The following UBE2F variants were observed in gnomAD, a reference collection of about 807,000 sequenced individuals.
UBE2F encodes the protein NEDD8-conjugating enzyme UBE2F.
A neutral mutation model predicts 29.6 loss-of-function variants in UBE2F; 5 were observed. The observed-to-expected ratio is 0.17, with a 90% CI of 0.09 to 0.36. UBE2F has a LOEUF of 0.36. Ranked by LOEUF, UBE2F falls within the 10% of genes least tolerant of loss-of-function variation. The pLI is 1.00. For missense variants in UBE2F, 141 were observed against 228.5 expected, an observed-to-expected ratio of 0.62 and a Z score of 2.47; for synonymous variants, 66 against 81.8, an observed-to-expected ratio of 0.81 and a Z score of 1.04.
intron 2 of UBE2F, among the ~76,000 whole-genome samples, chr2:237,975,361 C>T (rs146643343): frequency 2.6e-5 from 4 of 152,024 alleles, no homozygotes; most frequent in African/African-American, 4.8e-5. Flanking sequence ...CCACGCACCT[C>T]GGCCTTCCCA....
chr2:238,033,084 G>A (rs1184288784), intron 8 of UBE2F, among the ~76,000 whole-genome samples: 3 of 152,214 alleles, frequency 2.0e-5, no homozygotes, highest in Admixed American at 1.3e-4. Context: ...CCAGCCCAGG[G>A]AGTGGCCCTG....
chr2:238,021,330 C>CT (rs2064288056), intron 5 of UBE2F, among the ~76,000 whole-genome samples: 1 of 152,212 alleles, frequency 6.6e-6, no homozygotes, highest in Admixed American at 6.5e-5. Context: ...AACTCCCACT[C>CT]TCCCTTCTTC....
chr2:237,972,327 C>T (rs1042851109), intron 1 of UBE2F, among the ~76,000 whole-genome samples: 17 of 152,058 alleles, frequency 1.1e-4, no homozygotes, highest in Non-Finnish European at 1.2e-4. Flanking sequence ...AACCTGGGAC[C>T]GTACCATGTG....
chr2:238,041,174 G>A, intron 9 of UBE2F, 114 bp from the exon 10 acceptor site: 2 of 1,003,034 alleles, frequency 2.0e-6, no homozygotes, highest in South Asian at 2.8e-5. Flanking sequence ...TACCACCTTG[G>A]CGACCACAGG....
chr2:237,968,764 CTG>C (rs1464904338), intron 1 of UBE2F: 9 of 801,050 alleles, frequency 1.1e-5, no homozygotes, highest in Middle Eastern at 6.4e-4. Context: ...AATTTAGAAA[CTG>C]AGAATGCTGT....
intron 4 of UBE2F, among the ~76,000 whole-genome samples, chr2:238,007,963 AT>A (rs1027500418): frequency 1.3e-5 from 2 of 151,072 alleles, no homozygotes; most frequent in African/African-American, 2.4e-5. Flanking sequence ...TAGTTAATTG[AT>A]TTTTTTTTAG....
At position 238,012,952 on chromosome 2, in the gene UBE2F, T is replaced by C. The variant is rs534415377; in HGVS notation, c.215-3614T>C. 5.3e-5 allele frequency among the ~76,000 whole-genome samples: 8 copies of C among 152,344 alleles called. No individual in the cohort carries two copies. The East Asian group carries it at 1.5e-3, about 29-fold the overall frequency. ...CACTCCAGCGTGAACCAGGACATAC[T>C]ATTTATAATACCATGCTTTGTCCTT... is the stretch of plus-strand genomic sequence containing the variant. On this transcript the variant is annotated intron_variant, in intron 4 of 9. Transcript: ENST00000272930.
In UBE2F at chr2:237,973,175, C is replaced by T. The variant is rs149063837; in HGVS notation, c.68C>T (p.Ala23Val). 5.9e-5 allele frequency: 95 copies of T among 1,613,998 alleles called. No individual in the cohort carries two copies. The highest frequency in any genetic ancestry group is 2.3e-4 in the African/African-American group (17 of 75,018). The change falls in exon 2 of 10, where the codon GCG becomes GTG. Residue 23 changes from alanine to valine, a missense_variant. Transcript: ENST00000272930. ...AAAGGGTCCCGGACGGCAGCCACAG[C>T]GTCCGACTCGACTCGGAGGGTTTCT... ...GLKGSRTAATASDSTRRVSVR... is the reference protein window; with the variant it reads ...GLKGSRTAATVSDSTRRVSVR...
chr2:237,976,572 A>G (rs1156788774), intron 2 of UBE2F, among the ~76,000 whole-genome samples: 1 of 152,050 alleles, frequency 6.6e-6, no homozygotes, highest in African/African-American at 2.4e-5. Flanking sequence ...TCTGCTTCAA[A>G]GATAGCACCT....
chr2:238,012,145 A>G (rs1184001674), intron 4 of UBE2F, among the ~76,000 whole-genome samples: 1 of 151,814 alleles, frequency 6.6e-6, no homozygotes, highest in Non-Finnish European at 1.5e-5. Context: ...TGGCCCCACA[A>G]AGTGCTGGGA....
intron 9 of UBE2F, among the ~76,000 whole-genome samples, chr2:238,036,687 A>G (rs1038638645): frequency 2.0e-5 from 3 of 152,288 alleles, no homozygotes; most frequent in Admixed American, 6.5e-5. Context: ...TTAGCCAGGC[A>G]TGGTGGCACA....
Position 237,973,238 on chromosome 2 carries a change from C to T in UBE2F, c.118+13C>T, listed in dbSNP as rs767076496. ...TTGCTTGTTAAAGGTAATGATCATT[C>T]GTGTGAACTGTTTTTATATCCTATA... On this transcript the variant is annotated intron_variant, in intron 2 of 9. Transcript: ENST00000272930. 1.8e-5 allele frequency: 29 copies of T among 1,611,088 alleles called. No individual in the cohort carries two copies. The Admixed American group carries it at 3.2e-4, about 18-fold the overall frequency.
intron 5 of UBE2F, among the ~76,000 whole-genome samples, 162 bp downstream of exon 5, chr2:238,016,795 GT>G (rs1404317291): frequency 2.3e-5 from 3 of 131,368 alleles, no homozygotes; most frequent in African/African-American, 8.9e-5. Flanking sequence ...CTCATCAGCA[GT>G]ATTTAGAGTG....
chr2:237,990,237 C>G (rs1466907931), intron 3 of UBE2F, among the ~76,000 whole-genome samples: 1 of 150,092 alleles, frequency 6.7e-6, no homozygotes, highest in African/African-American at 2.5e-5. Flanking sequence ...GCAGGATAGA[C>G]AAGCAAAATT....
In UBE2F at chr2:238,020,981, C is replaced by T. The variant is rs993631389; in HGVS notation, c.282+4348C>T. On this transcript the variant is annotated intron_variant, in intron 5 of 9. Transcript: ENST00000272930. ...GGTGGGGACGCCCAGAGGAGGAGCA[C>T]GTGACATGGCCTGGGGATGCCTTGG... Among the ~76,000 whole-genome samples the T allele has an allele frequency of 9.8e-5, 15 of 152,292 alleles. No homozygotes were observed. The Middle Eastern group carries it at 0.014, about 138-fold the overall frequency.
intron 4 of UBE2F, among the ~76,000 whole-genome samples, chr2:238,015,286 C>T (rs949534884): frequency 2.0e-5 from 3 of 151,992 alleles, no homozygotes; most frequent in Admixed American, 1.3e-4. Flanking sequence ...TTGCTTGTAG[C>T]CTATTTAAAA....
intron 2 of UBE2F, 67 bp downstream of exon 2, chr2:237,973,292 T>TG (rs1316437989): frequency 6.4e-7 from 1 of 1,565,698 alleles, no homozygotes; most frequent in Non-Finnish European, 8.8e-7. Context: ...GGAGAGTCTT[T>TG]GGGGATATAA....
intron 2 of UBE2F, among the ~76,000 whole-genome samples, chr2:237,979,296 C>T (rs1487542992): frequency 6.6e-6 from 1 of 152,204 alleles, no homozygotes; most frequent in African/African-American, 2.4e-5. Flanking sequence ...TCTGCCTGAG[C>T]TTCCCAGTGT....
intron 4 of UBE2F, among the ~76,000 whole-genome samples, chr2:238,001,033 C>T (rs985581597): frequency 1.4e-4 from 16 of 111,812 alleles, no homozygotes; most frequent in East Asian, 1.0e-3. Context: ...AGAGTTTTGC[C>T]TTTTTTTTTT....
Sources: allele counts gnomAD v4.1 joint callset (sites outside exome capture counted in the v4.1 genomes callset), GRCh38; gene constraint gnomAD v4.1.1; transcripts MANE v1.5; gene names NCBI Gene and HGNC (gene_info 2026-07-23, HGNC 2026-07-21).